CDC14B: variants seen among roughly 807,000 people sequenced by gnomAD.
CDC14B encodes cell division cycle 14B.
Under a neutral mutation model 64.2 loss-of-function variants are expected in CDC14B, and 22 were observed. The observed-to-expected ratio is 0.34, with a 90% CI of 0.24 to 0.49. The LOEUF is 0.49. Ranked by LOEUF, CDC14B falls within the 20% of genes least tolerant of loss-of-function variation. The pLI is 0.99. For synonymous variants in CDC14B, 191 were observed against 215.8 expected, an observed-to-expected ratio of 0.89 and a Z score of 1.01; for missense variants, 498 against 629.9, an observed-to-expected ratio of 0.79 and a Z score of 2.24.
intron 1 of CDC14B, among the ~76,000 whole-genome samples, chr9:96,570,561 G>A (rs1466162042): frequency 6.6e-6 from 1 of 152,204 alleles, no homozygotes; most frequent in Non-Finnish European, 1.5e-5. Context: ...TTGTCCCTCA[G>A]AGACAGGACC....
intron 4 of CDC14B, among the ~76,000 whole-genome samples, chr9:96,556,309 C>T (rs1842497816): frequency 6.6e-6 from 1 of 151,908 alleles, no homozygotes; most frequent in Non-Finnish European, 1.5e-5. Flanking sequence ...CCAGATGATA[C>T]AGTCTTTCCT....
chr9:96,491,547 A>C (rs1030104089), exon 14 of CDC14B: 6 of 152,324 alleles, frequency 3.9e-5, no homozygotes, highest in African/African-American at 1.4e-4. Flanking sequence ...AAGGCAATGG[A>C]TGCAAGTGCC....
rs988394720 is a variant in CDC14B at position 96,619,541 on chromosome 9, A to G, written c.-163T>C. ...AGAGCCCGGCGGGAGGCGGTCGCGCAGGAGCCGGAGGAGGAGCCCGGCCCA... is the reference window on the plus strand; with the variant it reads ...AGAGCCCGGCGGGAGGCGGTCGCGCGGGAGCCGGAGGAGGAGCCCGGCCCA... On this transcript the variant is annotated 5_prime_UTR_variant, in exon 1 of 14. Transcript: ENST00000375241. 13 of 170,938 alleles carry G rather than the reference A, an allele frequency of 7.6e-5. No individual in the cohort carries two copies. The highest frequency in any genetic ancestry group is 3.2e-4 in the African/African-American group (13 of 41,242). The allele number at this position is 170,938 out of a possible 1,614,324, so 10.6% of individuals were successfully genotyped here.
chr9:96,549,847 T>G (rs1237441092), intron 5 of CDC14B, among the ~76,000 whole-genome samples: 9 of 152,206 alleles, frequency 5.9e-5, no homozygotes, highest in Non-Finnish European at 1.3e-4. Flanking sequence ...ACTTTAATAA[T>G]TTGAAACATA....
chr9:96,613,363 A>G (rs373168964), intron 1 of CDC14B, among the ~76,000 whole-genome samples: 7 of 152,220 alleles, frequency 4.6e-5, no homozygotes, highest in Admixed American at 2.0e-4. Context: ...ATTCCTTCCC[A>G]TTCAAAAGCA....
chr9:96,596,376 A>C (rs1460397853), intron 1 of CDC14B, among the ~76,000 whole-genome samples: 2 of 150,984 alleles, frequency 1.3e-5, no homozygotes, highest in Non-Finnish European at 2.9e-5. Context: ...AAAAAAAAAA[A>C]AAAACACACA....
chr9:96,551,750 G>C, intron 5 of CDC14B, 46 bp downstream of exon 5: 1 of 1,587,384 alleles, frequency 6.3e-7, no homozygotes, highest in South Asian at 1.2e-5. Flanking sequence ...GATATTTCTG[G>C]CAAGGATCTG....
At chr9:96,581,497 A>AAATTAATT (rs1231208711) in intron 1 of CDC14B, among the ~76,000 whole-genome samples, 167 of 151,352 alleles carry the variant, frequency 1.1e-3, no homozygotes, top group African/African-American at 3.8e-3. Flanking sequence ...TAAATTAATT[A>AAATTAATT]AATTTAAAAA....
At chr9:96,604,903 C>A (rs2118901435) in intron 1 of CDC14B, among the ~76,000 whole-genome samples, 1 of 152,244 alleles carries the variant, frequency 6.6e-6, no homozygotes, top group African/African-American at 2.4e-5. Flanking sequence ...CTCCTGACCT[C>A]AGGTGATCTA....
chr9:96,580,945 AT>A (rs1845111914), intron 1 of CDC14B, among the ~76,000 whole-genome samples: 3 of 152,320 alleles, frequency 2.0e-5, no homozygotes, highest in South Asian at 4.1e-4. Flanking sequence ...AAATAAACAG[AT>A]TTAAGCTCGG....
intron 13 of CDC14B, among the ~76,000 whole-genome samples, chr9:96,494,764 C>T (rs1192751603): frequency 4.1e-5 from 5 of 122,748 alleles, no homozygotes; most frequent in East Asian, 5.0e-4. Flanking sequence ...CCTCCCCTCC[C>T]GTCCCCTCCC....
At chr9:96,506,921 A>C (rs1386474898) in intron 13 of CDC14B, among the ~76,000 whole-genome samples, 1 of 152,252 alleles carries the variant, frequency 6.6e-6, no homozygotes, top group African/African-American at 2.4e-5. Flanking sequence ...CCCGGACTCT[A>C]CTCTTCTGTA....
intron 1 of CDC14B, among the ~76,000 whole-genome samples, chr9:96,609,362 A>C (rs758350938): frequency 6.6e-6 from 1 of 152,240 alleles, no homozygotes; most frequent in Non-Finnish European, 1.5e-5. Context: ...GCAAAACTAC[A>C]TAATGACTAA....
At position 96,515,917 on chromosome 9, in the gene CDC14B, AG is replaced by A; in HGVS notation, c.1344-6129del. On this transcript the variant is annotated intron_variant, in intron 12 of 13. Coordinates refer to ENST00000375241, the MANE Select transcript of CDC14B (RefSeq NM_033331.4). The surrounding 1 kb of genome is among the most constrained non-coding windows in gnomAD (Gnocchi z 4.3). Reference sequence around the variant, plus strand: ...CCCTAAAAGCCCAGCCAACAGCAACAGGGATACAAAGGGGTGGTCAACAAGG... The same window carrying A: ...CCCTAAAAGCCCAGCCAACAGCAACAGGATACAAAGGGGTGGTCAACAAGG... The A allele has an allele frequency of 7.0e-6, 5 of 718,700 alleles. No homozygotes were observed. The highest frequency in any genetic ancestry group is 1.1e-5 in the Non-Finnish European group (5 of 463,442). 44.5% of individuals were successfully genotyped at this position (718,700 alleles called of 1,614,324 possible). A position where few individuals can be genotyped will look rare whatever the true frequency, so the allele number is the denominator to read the frequency against.
chr9:96,581,606 A>T (rs1232079862), intron 1 of CDC14B, among the ~76,000 whole-genome samples: 1 of 152,154 alleles, frequency 6.6e-6, no homozygotes, highest in Non-Finnish European at 1.5e-5. Flanking sequence ...GTAAAGAGTT[A>T]CAGTGGTTAT....
downstream of CDC14B, among the ~76,000 whole-genome samples, chr9:96,496,583 A>G (rs1833251585): frequency 6.6e-6 from 1 of 152,178 alleles, no homozygotes; most frequent in African/African-American, 2.4e-5. Flanking sequence ...ACTTAAGGAC[A>G]CGCCAACCGC....
intron 1 of CDC14B, among the ~76,000 whole-genome samples, chr9:96,590,650 G>GTTGT (rs1845733629): frequency 7.1e-6 from 1 of 140,904 alleles, no homozygotes; most frequent in African/African-American, 2.6e-5. Flanking sequence ...TTATTTCCTG[G>GTTGT]TTTTTTTTTT....
intron 4 of CDC14B, among the ~76,000 whole-genome samples, chr9:96,561,062 G>A (rs994743440): frequency 6.6e-6 from 1 of 151,352 alleles, no homozygotes; most frequent in Non-Finnish European, 1.5e-5. Context: ...TCAGCCTCCC[G>A]AGTAGCTGGG....
intron 1 of CDC14B, among the ~76,000 whole-genome samples, chr9:96,609,388 T>C (rs780014737): frequency 2.0e-5 from 3 of 152,240 alleles, no homozygotes; most frequent in Non-Finnish European, 4.4e-5. Context: ...TCATTACCTG[T>C]CTTCATTCAG....
Sources: gnomAD v4.1 joint callset for allele counts (sites outside exome capture counted in the v4.1 genomes callset) on GRCh38, gnomAD v4.1.1 for gene constraint, Gnocchi (gnomAD v3.1) non-coding constraint, MANE v1.5 for transcripts, NCBI Gene and HGNC (gene_info 2026-07-23, HGNC 2026-07-21) for gene names.